Variants in GRK5 observed in about 807,000 individuals in gnomAD.
GRK5 encodes the protein g protein-coupled receptor kinase GRK5.
Under a neutral mutation model 78.4 loss-of-function variants are expected in GRK5, and 40 were observed. That is an observed-to-expected ratio of 0.51 (90% CI 0.40 to 0.66). The LOEUF (loss-of-function observed/expected upper bound fraction) is 0.66. Among genes scored for constraint, GRK5 ranks in the 30% least tolerant of loss-of-function variants. GRK5 has a pLI of 0.00. For synonymous variants in GRK5, 289 were observed against 296.8 expected (o/e 0.97, Z 0.27); for missense variants, 598 against 759.9 (o/e 0.79, Z 2.50).
At position 119,432,971 on chromosome 10, in the gene GRK5, T is replaced by C. The variant is rs1031123416; in HGVS notation, c.738+1444T>C. ...CTGTAATTCCAGCTACTTGGGAGGCTGAGGCATGAGAATCACTTGAACCTG... is the reference window on the plus strand; with the variant it reads ...CTGTAATTCCAGCTACTTGGGAGGCCGAGGCATGAGAATCACTTGAACCTG... On this transcript the variant is annotated intron_variant, in intron 8 of 15. Transcript: ENST00000392870. 1.4e-4 allele frequency among the ~76,000 whole-genome samples: 22 copies of C among 152,272 alleles called. 1 individual carries two copies. In the East Asian group the frequency reaches 2.3e-3, roughly 16 times the overall value.
At position 119,293,090 on chromosome 10, in the gene GRK5, G is replaced by A. The variant is rs554278560; in HGVS notation, c.53-33426G>A. On this transcript the variant is annotated intron_variant, in intron 1 of 15. Coordinates refer to ENST00000392870, the MANE Select transcript of GRK5 (RefSeq NM_005308.3). ...ATTTTCCCATCTTATAAATAAAAGA[G>A]CGAAGACCTGAAGAAGTTATGTATA... Among the ~76,000 whole-genome samples, 6 of 152,330 alleles carry A rather than the reference G, an allele frequency of 3.9e-5. No individual in the cohort carries two copies. In the South Asian group the frequency reaches 6.2e-4, roughly 16 times the overall value.
At chr10:119,421,461 G>A (rs1340520910) in intron 4 of GRK5, among the ~76,000 whole-genome samples, 1 of 152,238 alleles carries the variant, frequency 6.6e-6, no homozygotes, top group East Asian at 1.9e-4. Flanking sequence ...CAAGGTCAGA[G>A]GCCGGGCCAG....
intron 1 of GRK5, among the ~76,000 whole-genome samples, chr10:119,315,958 C>T (rs1327189856): frequency 2.6e-5 from 4 of 152,214 alleles, no homozygotes; most frequent in African/African-American, 7.2e-5. Context: ...CCTGCATTAG[C>T]ATAATGCTGA....
intron 4 of GRK5, among the ~76,000 whole-genome samples, chr10:119,410,767 G>A (rs1426337693): frequency 2.0e-5 from 3 of 151,806 alleles, no homozygotes; most frequent in Non-Finnish European, 4.4e-5. Flanking sequence ...GCGCACAAAT[G>A]GCATGAGCTG....
chr10:119,210,336 T>C (rs1848467309), intron 1 of GRK5, among the ~76,000 whole-genome samples: 1 of 152,234 alleles, frequency 6.6e-6, no homozygotes, highest in African/African-American at 2.4e-5. Flanking sequence ...TCTCCCCTTC[T>C]TTCTCTCTTA....
intron 1 of GRK5, among the ~76,000 whole-genome samples, chr10:119,236,494 G>A (rs1034994486): frequency 6.6e-6 from 1 of 152,068 alleles, no homozygotes; most frequent in Admixed American, 6.5e-5. Context: ...GATTACAGGC[G>A]TGAGCCACTG....
chr10:119,451,744 C>T (rs1193046943), intron 13 of GRK5, among the ~76,000 whole-genome samples: 2 of 152,224 alleles, frequency 1.3e-5, no homozygotes, highest in African/African-American at 4.8e-5. Flanking sequence ...CCAGAGCAGA[C>T]TGGAGGGGAG....
intron 1 of GRK5, among the ~76,000 whole-genome samples, chr10:119,261,072 CCGGG>C: frequency 7.1e-6 from 1 of 140,024 alleles, no homozygotes; most frequent in African/African-American, 2.6e-5. Flanking sequence ...GGGCGGCTGG[CCGGG>C]CGGAGACGCT....
intron 1 of GRK5, among the ~76,000 whole-genome samples, chr10:119,298,666 C>T (rs1375837263): frequency 6.6e-6 from 1 of 152,072 alleles, no homozygotes; most frequent in Non-Finnish European, 1.5e-5. Flanking sequence ...CAAGAGTGGT[C>T]AGATCAGCTT....
intron 1 of GRK5, among the ~76,000 whole-genome samples, chr10:119,249,297 A>G (rs529010252): frequency 6.6e-6 from 1 of 152,238 alleles, no homozygotes; most frequent in East Asian, 1.9e-4. Flanking sequence ...AAAAACAAAA[A>G]GGAGATACTA....
intron 1 of GRK5, among the ~76,000 whole-genome samples, chr10:119,250,916 C>A (rs1380394207): frequency 6.6e-6 from 1 of 152,290 alleles, no homozygotes; most frequent in East Asian, 1.9e-4. Context: ...ATGTCTATTT[C>A]TAGGCATCTC....
At chr10:119,262,377 T>G (rs948242478) in intron 1 of GRK5, among the ~76,000 whole-genome samples, 4 of 118,764 alleles carry the variant, frequency 3.4e-5, no homozygotes, top group African/African-American at 1.3e-4. Flanking sequence ...CTCCCTCTGT[T>G]GCCCAGGCTG....
At chr10:119,310,264 T>C (rs1352498352) in intron 1 of GRK5, among the ~76,000 whole-genome samples, 1 of 152,266 alleles carries the variant, frequency 6.6e-6, no homozygotes, top group Non-Finnish European at 1.5e-5. Context: ...CAAGTAGTCC[T>C]GTTTATTTCT....
intron 4 of GRK5, among the ~76,000 whole-genome samples, chr10:119,418,512 G>T (rs1025702896): frequency 5.3e-5 from 8 of 152,208 alleles, no homozygotes; most frequent in African/African-American, 1.9e-4. Context: ...GTCTTCAGCT[G>T]TCCCAGAGAG....
At chr10:119,387,247 G>A (rs549634397) in intron 3 of GRK5, among the ~76,000 whole-genome samples, 4 of 152,152 alleles carry the variant, frequency 2.6e-5, no homozygotes, top group Admixed American at 6.5e-5. Flanking sequence ...CAAGTGATCC[G>A]CCTGCCTCAG....
Position 119,436,752 on chromosome 10 carries a change from C to T in GRK5, c.840C>T (p.Asn280=), listed in dbSNP as rs2230348. 0.022 allele frequency: 35,320 copies of T among 1,614,124 alleles called. 1,791 individuals are homozygous for T. Among genetic ancestry groups the T allele is most frequent in the African/African-American group, 0.2 (14,789 of 75,022 alleles). The change falls in exon 9 of 16, where the codon AAC becomes AAT. Residue 280 remains asparagine, a synonymous_variant. Transcript: ENST00000392870. ...DLKFHIYNMG[N]PGFEEERALF... ...AGTTCCACATCTACAACATGGGCAACCCTGGCTTCGAGGAGGAGCGGGCCT... is the reference window on the plus strand; with the variant it reads ...AGTTCCACATCTACAACATGGGCAATCCTGGCTTCGAGGAGGAGCGGGCCT...
At chr10:119,295,831 A>G (rs1007060410) in intron 1 of GRK5, among the ~76,000 whole-genome samples, 1 of 152,158 alleles carries the variant, frequency 6.6e-6, no homozygotes, top group African/African-American at 2.4e-5. Flanking sequence ...TGGGGCATAA[A>G]ATAGTAAGGT....
intron 2 of GRK5, among the ~76,000 whole-genome samples, chr10:119,327,680 G>A (rs368107580): frequency 1.3e-5 from 2 of 152,146 alleles, no homozygotes; most frequent in African/African-American, 2.4e-5. Flanking sequence ...GGGCCGGGGG[G>A]ACTTACCTGC....
chr10:119,232,720 C>T (rs1384170189), intron 1 of GRK5, among the ~76,000 whole-genome samples: 5 of 152,164 alleles, frequency 3.3e-5, no homozygotes, highest in Non-Finnish European at 4.4e-5. Flanking sequence ...TTGTCTCCCA[C>T]CATGATTATG....
Sources: gnomAD v4.1 joint callset for allele counts (sites outside exome capture counted in the v4.1 genomes callset) on GRCh38, gnomAD v4.1.1 for gene constraint, MANE v1.5 for transcripts, NCBI Gene and HGNC (gene_info 2026-07-23, HGNC 2026-07-21) for gene names.